Variants in SHISA9 observed in about 807,000 individuals in gnomAD.
The protein encoded by SHISA9 is protein shisa-9.
Under a neutral mutation model 38.0 loss-of-function variants are expected in SHISA9, and 13 were observed. The observed-to-expected ratio is 0.34, with a 90% confidence interval of 0.22 to 0.54. The LOEUF (loss-of-function observed/expected upper bound fraction) is 0.54. Ranked by LOEUF, SHISA9 falls within the 20% of genes least tolerant of loss-of-function variation. The probability of loss-of-function intolerance (pLI) is 0.91; values close to 1 mark genes in which losing one functional copy is unlikely to be tolerated. For synonymous variants in SHISA9, 275 were observed against 242.0 expected (o/e 1.14, Z -1.27); for missense variants, 538 against 575.8 (o/e 0.93, Z 0.67).
intron 1 of SHISA9, among the ~76,000 whole-genome samples, chr16:12,912,241 C>G (rs2071194273): frequency 6.6e-6 from 1 of 152,172 alleles, no homozygotes; most frequent in Non-Finnish European, 1.5e-5. Flanking sequence ...TCCCTAAAGA[C>G]TCTTCATTTC....
At chr16:13,038,748 T>G (rs767316823) in intron 2 of SHISA9, among the ~76,000 whole-genome samples, 22 of 152,220 alleles carry the variant, frequency 1.4e-4, no homozygotes, top group Non-Finnish European at 2.8e-4. Flanking sequence ...GTTAATTCTC[T>G]TCCTCACTAG....
chr16:13,126,036 A>C (rs1350528259), intron 2 of SHISA9, among the ~76,000 whole-genome samples: 2 of 152,208 alleles, frequency 1.3e-5, no homozygotes, highest in Admixed American at 1.3e-4. Context: ...AATTGGCAGG[A>C]GGTGAGAAGG....
chr16:12,936,049 T>C (rs1338654918), intron 2 of SHISA9, among the ~76,000 whole-genome samples: 1 of 152,074 alleles, frequency 6.6e-6, no homozygotes. Context: ...AATGGAAGGC[T>C]TAGAAGTCCA....
intron 2 of SHISA9, among the ~76,000 whole-genome samples, chr16:13,009,423 G>A (rs2072642564): frequency 6.6e-6 from 1 of 152,026 alleles, no homozygotes; most frequent in South Asian, 2.1e-4. Flanking sequence ...TCATAACCTC[G>A]GAGGCTTCTT....
rs1390247313 is a variant in SHISA9 at position 12,902,538 on chromosome 16, C to T, written c.474C>T (p.Cys158=). 1.3e-6 allele frequency: 2 copies of T among 1,551,376 alleles called. No individual in the cohort carries two copies. The highest frequency in any genetic ancestry group is 1.4e-5 in the African/African-American group (1 of 73,162). The change falls in exon 1 of 5, where the codon TGC becomes TGT. Residue 158 remains cysteine (C), a synonymous_variant. Coordinates refer to ENST00000558583, the MANE Select transcript of SHISA9 (RefSeq NM_001145204.3). The part of the protein sequence containing the change: ...DKTNLIVYII[C]GVVAVMVLVG... ...CCAACCTGATCGTCTACATCATCTG[C>T]GGGGTGGTGGCCGTCATGGTGCTCG...
At chr16:13,318,011 T>TTTG in the SHISA9 span, among the ~76,000 whole-genome samples, 1 of 151,762 alleles carries the variant, frequency 6.6e-6, no homozygotes, top group Non-Finnish European at 1.5e-5. Context: ...TTTTTTTTTT[T>TTTG]GATCCACTAT....
intron 2 of SHISA9, among the ~76,000 whole-genome samples, chr16:13,175,088 C>T (rs888487387): frequency 4.6e-5 from 7 of 152,004 alleles, no homozygotes; most frequent in South Asian, 2.1e-4. Flanking sequence ...CTGGGATGGA[C>T]GTGGTAGCTG....
chr16:13,023,447 C>A (rs1250531527), intron 2 of SHISA9, among the ~76,000 whole-genome samples: 3 of 152,166 alleles, frequency 2.0e-5, no homozygotes, highest in Non-Finnish European at 4.4e-5. Context: ...GGTTCCAAGT[C>A]TTTGCTATTG....
At chr16:13,410,969 T>C in the SHISA9 span, among the ~76,000 whole-genome samples, 1 of 152,166 alleles carries the variant, frequency 6.6e-6, no homozygotes, top group Non-Finnish European at 1.5e-5. Context: ...ATGAGTTGCT[T>C]GGAGTGTTAA....
chr16:13,536,795 A>C, the SHISA9 span, among the ~76,000 whole-genome samples: 3 of 152,360 alleles, frequency 2.0e-5, no homozygotes, highest in South Asian at 4.1e-4. Flanking sequence ...TAGTCAGATA[A>C]TAAAAGATTT....
intron 2 of SHISA9, among the ~76,000 whole-genome samples, chr16:13,156,241 C>A (rs376969068): frequency 2.6e-4 from 40 of 152,216 alleles, no homozygotes; most frequent in African/African-American, 9.2e-4. Context: ...CAGACAGAGC[C>A]ATATACATGG....
chr16:13,224,714 C>G (rs916156439), intron 4 of SHISA9, among the ~76,000 whole-genome samples: 3 of 152,126 alleles, frequency 2.0e-5, no homozygotes, highest in Non-Finnish European at 4.4e-5. Flanking sequence ...GTAATATGAG[C>G]TATGAACATA....
chr16:13,110,139 A>G (rs528737252), intron 2 of SHISA9, among the ~76,000 whole-genome samples: 1 of 152,294 alleles, frequency 6.6e-6, no homozygotes, highest in East Asian at 1.9e-4. Flanking sequence ...TGTGTTGAGC[A>G]TCTCTCATAA....
chr16:12,914,528 A>G (rs2071228867), intron 1 of SHISA9, among the ~76,000 whole-genome samples: 1 of 152,084 alleles, frequency 6.6e-6, no homozygotes, highest in African/African-American at 2.4e-5. Context: ...AGCTGTTGTT[A>G]TTCTCTTGTC....
At chr16:13,170,403 A>G (rs537928406) in intron 2 of SHISA9, among the ~76,000 whole-genome samples, 1 of 152,156 alleles carries the variant, frequency 6.6e-6, no homozygotes, top group East Asian at 1.9e-4. Context: ...ATAAAGCAAT[A>G]CCCAAGACTG....
the SHISA9 span, among the ~76,000 whole-genome samples, chr16:13,271,237 T>C: frequency 1.3e-5 from 2 of 152,156 alleles, no homozygotes; most frequent in Admixed American, 6.6e-5. Context: ...AACATCAGTG[T>C]AGAGAGAAGG....
chr16:12,908,799 G>T (rs2141710846), intron 1 of SHISA9: 2 of 1,359,600 alleles, frequency 1.5e-6, no homozygotes, highest in Non-Finnish European at 1.9e-6. Context: ...GGTGAGAAAT[G>T]ACCTTGGGGA....
chr16:13,035,198 C>T (rs978130744), intron 2 of SHISA9, among the ~76,000 whole-genome samples: 1 of 152,150 alleles, frequency 6.6e-6, no homozygotes, highest in African/African-American at 2.4e-5. Flanking sequence ...TGAGTATTCA[C>T]TATGCAGCAT....
the SHISA9 span, among the ~76,000 whole-genome samples, chr16:13,400,216 C>T: frequency 5.5e-4 from 84 of 152,238 alleles, no homozygotes; most frequent in African/African-American, 1.9e-3. Context: ...CTTGCCTCTC[C>T]GGTAGAACCA....
Sources: allele counts gnomAD v4.1 joint callset (sites outside exome capture counted in the v4.1 genomes callset), GRCh38; gene constraint gnomAD v4.1.1; transcripts MANE v1.5; gene names NCBI Gene and HGNC (gene_info 2026-07-23, HGNC 2026-07-21).